The following MAPT variants were observed in gnomAD, a reference collection of about 807,000 sequenced individuals.
The protein encoded by MAPT is microtubule associated protein tau.
In MAPT, 34 loss-of-function variants were observed where a neutral mutation model predicts 67.9. The ratio of observed to expected loss-of-function variants is 0.50; its 90% CI spans 0.38 to 0.67. The LOEUF is 0.67. Ranked by LOEUF, MAPT falls within the 30% of genes least tolerant of loss-of-function variation. The pLI is 0.00. For synonymous variants in MAPT, 456 were observed against 464.5 expected (o/e 0.98, Z 0.23); for missense variants, 881 against 1,115.2 (o/e 0.79, Z 2.99).
intron 1 of MAPT, among the ~76,000 whole-genome samples, chr17:45,948,151 G>A (rs539392383): frequency 5.3e-5 from 8 of 152,132 alleles, no homozygotes; most frequent in African/African-American, 1.9e-4. Flanking sequence ...GATTACAGGT[G>A]CCTGCCACCA....
At chr17:46,002,092 G>T (rs2075048246) in intron 9 of MAPT, among the ~76,000 whole-genome samples, 1 of 152,222 alleles carries the variant, frequency 6.6e-6, no homozygotes, top group Non-Finnish European at 1.5e-5. Flanking sequence ...TGTGTGTTCA[G>T]CACTAAGGGG....
chr17:45,977,598 G>A (rs765525461), intron 3 of MAPT: 5 of 152,212 alleles, frequency 3.3e-5, no homozygotes, highest in Non-Finnish European at 7.3e-5. Flanking sequence ...TACTATTAAT[G>A]TGGTCAGGAA....
chr17:45,969,967 A>C lies in MAPT; in HGVS notation c.134-1892A>C, dbSNP rs554058732. 5.3e-5 allele frequency among the ~76,000 whole-genome samples: 8 copies of C among 151,834 alleles called. No homozygotes were observed. In the South Asian group the frequency reaches 6.3e-4, roughly 12 times the overall value. On this transcript the variant is annotated intron_variant, in intron 2 of 12. Transcript: ENST00000262410. ...CATCCATCCATCCATCCATCCACCC[A>C]TATCTTCATCCAATCAATCATACAT...
chr17:45,983,573 C>G lies in MAPT; in HGVS notation c.994C>G (p.Pro332Ala), dbSNP rs749464532. The change falls in exon 5 of 13, where the codon CCA (proline) becomes GCA (alanine). Residue 332 changes from proline to alanine, a missense_variant. Around this residue, in one of 6 missense-constraint regions of MAPT, gnomAD observed 687 missense variants for 766.1 expected, o/e 0.90. Coordinates refer to ENST00000262410, the MANE Select transcript of MAPT (RefSeq NM_001377265.1). ...AGCCGCCAGAGAAGCCACCAGCATC[C>G]CAGGCTTCCCAGCGGAGGGTGCCAT... ...QTAAREATSI[P>A]GFPAEGAIPL... 6.2e-7 allele frequency: 1 copy of G among 1,613,224 alleles called. No individual in the cohort carries two copies. Among genetic ancestry groups the G allele is most frequent in the South Asian group, 1.1e-5 (1 of 91,090 alleles).
At chr17:45,973,322 T>C (rs536983669) in intron 3 of MAPT, 1 of 152,354 alleles carries the variant, frequency 6.6e-6, no homozygotes, top group East Asian at 1.9e-4. Flanking sequence ...CTGCTCATCT[T>C]GTCGGGACGG....
intron 3 of MAPT, chr17:45,976,681 A>C (rs1377091268): frequency 6.6e-6 from 1 of 152,304 alleles, no homozygotes; most frequent in African/African-American, 2.4e-5. Context: ...CATGGTACAG[A>C]GAGGCCAGCA....
chr17:45,911,218 T>A (rs1025262975), intron 1 of MAPT, among the ~76,000 whole-genome samples: 5 of 152,216 alleles, frequency 3.3e-5, no homozygotes, highest in African/African-American at 1.2e-4. Flanking sequence ...CGCAGGGAGA[T>A]GCTTTATTCA....
chr17:45,918,435 G>A (rs2065393964), intron 1 of MAPT, among the ~76,000 whole-genome samples: 1 of 152,180 alleles, frequency 6.6e-6, no homozygotes. Context: ...CCTTGGGTAA[G>A]TAGCTGGACC....
intron 1 of MAPT, among the ~76,000 whole-genome samples, chr17:45,910,306 CT>C (rs2064674600): frequency 6.6e-6 from 1 of 152,138 alleles, no homozygotes; most frequent in Non-Finnish European, 1.5e-5. Context: ...ATTCCTTCCC[CT>C]CTTCTACAGA....
In MAPT at chr17:45,971,789, T is replaced by G; in HGVS notation, c.134-70T>G. The G allele has an allele frequency of 9.1e-7, 1 of 1,102,206 alleles. No homozygotes were observed. Among genetic ancestry groups the G allele is most frequent in the Non-Finnish European group, 1.4e-6 (1 of 715,318 alleles). 68.3% of individuals were successfully genotyped at this position (1,102,206 alleles called of 1,614,324 possible). A position where few individuals can be genotyped will look rare whatever the true frequency, so the allele number is the denominator to read the frequency against. ...AGCTCCACAGGACACTGCTCCCCAG[T>G]TCCTCCTGAGAACAAAAGGGGGCGC... is the stretch of plus-strand genomic sequence containing the variant. On this transcript the variant is annotated intron_variant, in intron 2 of 12. Transcript: ENST00000262410. The surrounding 1 kb of genome is among the most constrained non-coding windows in gnomAD (Gnocchi z 4.3).
chr17:46,008,901 A>G (rs4792897), intron 9 of MAPT, among the ~76,000 whole-genome samples: 17,053 of 152,246 alleles, frequency 0.11, 1,196 homozygotes, highest in Non-Finnish European at 0.15. Flanking sequence ...TGAGACGAAT[A>G]AAAACCAGAG....
chr17:45,933,268 GTC>G (rs1298493246), intron 1 of MAPT, among the ~76,000 whole-genome samples: 1 of 133,800 alleles, frequency 7.5e-6, no homozygotes, highest in East Asian at 2.0e-4. Flanking sequence ...TTGAGACAGA[GTC>G]TCTCTCTCTG....
At chr17:46,011,875 C>A (rs1328232326) in intron 10 of MAPT, among the ~76,000 whole-genome samples, 1 of 152,158 alleles carries the variant, frequency 6.6e-6, no homozygotes, top group Non-Finnish European at 1.5e-5. Flanking sequence ...CCCCTTGAGT[C>A]CCACAGGTAG....
intron 1 of MAPT, among the ~76,000 whole-genome samples, chr17:45,904,436 C>T (rs1183929621): frequency 7.7e-6 from 1 of 130,496 alleles, no homozygotes; most frequent in Non-Finnish European, 1.6e-5. Flanking sequence ...CTCGGTGGCT[C>T]ACACTTGTAA....
At chr17:45,964,200 T>TG (rs1197922122) in intron 2 of MAPT, among the ~76,000 whole-genome samples, 2,955 of 152,228 alleles carry the variant, frequency 0.019, 103 homozygotes, top group African/African-American at 0.067. Context: ...TGTTTTGTTT[T>TG]TTTTTGTTTT....
At chr17:45,956,313 G>A (rs565546365) in intron 1 of MAPT, among the ~76,000 whole-genome samples, 3 of 152,208 alleles carry the variant, frequency 2.0e-5, no homozygotes, top group East Asian at 1.9e-4. Flanking sequence ...ACCGCGGGGG[G>A]CTTTGGGACT....
intron 1 of MAPT, among the ~76,000 whole-genome samples, chr17:45,939,942 T>G (rs578122993): frequency 2.0e-5 from 3 of 152,364 alleles, no homozygotes; most frequent in Non-Finnish European, 4.4e-5. Flanking sequence ...TAACTCACTT[T>G]AGCATATTTT....
chr17:45,976,196 G>C (rs562645978), intron 3 of MAPT: 1 of 152,184 alleles, frequency 6.6e-6, no homozygotes, highest in African/African-American at 2.4e-5. Context: ...CGGTTCTCAG[G>C]GCTGCAGCAC....
chr17:46,023,502 G>A (rs1254756911), intron 12 of MAPT, among the ~76,000 whole-genome samples: 1 of 152,158 alleles, frequency 6.6e-6, no homozygotes, highest in Non-Finnish European at 1.5e-5. Flanking sequence ...AGGCAGGTCA[G>A]GGAAGGAGTG....
Sources: allele counts gnomAD v4.1 joint callset (sites outside exome capture counted in the v4.1 genomes callset), GRCh38; gene constraint gnomAD v4.1.1; regional missense constraint gnomAD v4.1.1; non-coding constraint Gnocchi (gnomAD v3.1); transcripts MANE v1.5; gene names NCBI Gene and HGNC (gene_info 2026-07-23, HGNC 2026-07-21).